SLK: variants seen among roughly 807,000 people sequenced by gnomAD.
The protein encoded by SLK is STE20 like kinase, also known as STE20-like serine/threonine-protein kinase.
In SLK, 67 loss-of-function variants were observed where a neutral mutation model predicts 147.7. That is an observed-to-expected ratio of 0.45 (90% CI 0.37 to 0.56). SLK has a LOEUF of 0.56. Among genes scored for constraint, SLK ranks in the 20% least tolerant of loss-of-function variants. SLK has a pLI of 0.00. For synonymous variants in SLK, 441 were observed against 475.0 expected (o/e 0.93, Z 0.93); for missense variants, 1,136 against 1,438.8 (o/e 0.79, Z 3.41).
At chr10:104,012,515 T>G (rs1037928179) in intron 13 of SLK, among the ~76,000 whole-genome samples, 2 of 152,204 alleles carry the variant, frequency 1.3e-5, no homozygotes, top group Non-Finnish European at 2.9e-5. Context: ...TATGAACTTA[T>G]TTAATCTGAG....
chr10:104,002,066 C>A, intron 8 of SLK, 106 bp from the exon 9 acceptor site: 1 of 873,584 alleles, frequency 1.1e-6, no homozygotes, highest in Non-Finnish European at 1.7e-6. Context: ...TTAAATTCAG[C>A]AACATTTACT....
chr10:104,020,340 G>A (rs1844518341), intron 16 of SLK, 148 bp from the exon 17 acceptor site: 1 of 699,526 alleles, frequency 1.4e-6, no homozygotes, highest in Non-Finnish European at 2.3e-6. Flanking sequence ...CTGAAGCTGT[G>A]ATGTGGACTC....
intron 8 of SLK, 105 bp downstream of exon 8, chr10:104,001,677 A>C (rs1382933045): frequency 8.2e-7 from 1 of 1,220,584 alleles, no homozygotes; most frequent in Non-Finnish European, 1.2e-6. Context: ...AAACCTTTAA[A>C]TTTAGACCTG....
Position 104,004,762 on chromosome 10 carries a change from C to T in SLK, c.2350-799C>T, listed in dbSNP as rs114586905. Among the ~76,000 whole-genome samples the T allele has an allele frequency of 4.9e-3, 750 of 152,240 alleles. 3 individuals carry two copies. The highest frequency in any genetic ancestry group is 0.017 in the African/African-American group (722 of 41,532). Reference sequence around the variant, plus strand: ...TATCAACACCCAGTAAGTATCTGCCCTGAACACTTAGTTTACCAAAATGTA... The same window carrying T: ...TATCAACACCCAGTAAGTATCTGCCTTGAACACTTAGTTTACCAAAATGTA... On this transcript the variant is annotated intron_variant, in intron 9 of 18. Coordinates refer to ENST00000369755, the MANE Select transcript of SLK (RefSeq NM_014720.4).
intron 13 of SLK, among the ~76,000 whole-genome samples, chr10:104,014,064 G>T: frequency 6.6e-6 from 1 of 152,124 alleles, no homozygotes; most frequent in East Asian, 1.9e-4. Context: ...ATTCTAATTT[G>T]GGATTTTCAT....
chr10:104,025,806 A>C lies in SLK; in HGVS notation c.*86A>C. 1.1e-5 allele frequency: 13 copies of C among 1,156,642 alleles called. No homozygotes were observed. The highest frequency in any genetic ancestry group is 1.6e-5 in the Non-Finnish European group (13 of 811,502). 71.6% of individuals were successfully genotyped at this position (1,156,642 alleles called of 1,614,324 possible). ...TCTGCCACAGTCTCTCAGATAGCTC[A>C]TGAAGACAATCACCTGCCTCACCTT... On this transcript the variant is annotated 3_prime_UTR_variant, in exon 19 of 19. Coordinates refer to ENST00000369755, the MANE Select transcript of SLK (RefSeq NM_014720.4).
At chr10:104,024,330 C>T (rs780600166) in intron 18 of SLK, among the ~76,000 whole-genome samples, 4 of 152,206 alleles carry the variant, frequency 2.6e-5, no homozygotes, top group Non-Finnish European at 5.9e-5. Context: ...AAGGACATCT[C>T]TTGACACTGT....
At chr10:103,977,056 C>T (rs931378264) in intron 1 of SLK, among the ~76,000 whole-genome samples, 2 of 152,084 alleles carry the variant, frequency 1.3e-5, no homozygotes, top group African/African-American at 4.8e-5. Context: ...AAAATCAGCA[C>T]CACTGGTTGA....
rs201270634 is a variant in SLK, at chr10:104,021,648, A to G, written c.3476A>G (p.His1159Arg). The change falls in exon 18 of 19, where the codon CAT (histidine) becomes CGT (arginine). Residue 1159 changes from histidine (H) to arginine (R), a missense_variant. By Grantham distance (29) the His-to-Arg change is conservative. Transcript: ENST00000369755. ...GAAAAATGCCACTTGTTGGTTGAGC[A>G]TGAGACTCAGAAACTGAAGGAGTTA... ...QNEKCHLLVE[H>R]ETQKLKELDE... 3.1e-6 allele frequency: 5 copies of G among 1,610,514 alleles called. No homozygotes were observed. Among genetic ancestry groups the G allele is most frequent in the Admixed American group, 1.7e-5 (1 of 59,432 alleles).
At chr10:104,020,372 T>A in intron 16 of SLK, 116 bp from the exon 17 acceptor site, 1 of 989,904 alleles carries the variant, frequency 1.0e-6, no homozygotes, top group Non-Finnish European at 1.5e-6. Flanking sequence ...CTCAGCATAT[T>A]ATTACTTGTA....
intron 1 of SLK, among the ~76,000 whole-genome samples, chr10:103,990,255 C>T (rs868752960): frequency 5.3e-5 from 8 of 152,116 alleles, no homozygotes; most frequent in African/African-American, 1.7e-4. Flanking sequence ...GATATTATAA[C>T]GAGGGCTACA....
chr10:103,983,387 C>G (rs768430560), intron 1 of SLK, among the ~76,000 whole-genome samples: 2 of 152,150 alleles, frequency 1.3e-5, no homozygotes, highest in Non-Finnish European at 2.9e-5. Flanking sequence ...AACGTTTACT[C>G]TACTCTGTAC....
intron 2 of SLK, among the ~76,000 whole-genome samples, chr10:103,992,159 T>TTTC (rs1554842829): frequency 7.2e-6 from 1 of 138,944 alleles, no homozygotes; most frequent in African/African-American, 2.6e-5. Flanking sequence ...TTTTTTTTTT[T>TTTC]CTAAAAGAAG....
At chr10:103,991,897 A>G (rs910071689) in intron 2 of SLK, among the ~76,000 whole-genome samples, 21 of 152,046 alleles carry the variant, frequency 1.4e-4, no homozygotes, top group Non-Finnish European at 2.6e-4. Context: ...CTAGTTAATA[A>G]ACAGATAAGA....
chr10:104,005,469 TA>T, intron 9 of SLK, 91 bp from the exon 10 acceptor site: 2 of 1,223,916 alleles, frequency 1.6e-6, no homozygotes, highest in South Asian at 1.6e-5. Context: ...TGTTTTGTTT[TA>T]AAAAAGAAAG....
intron 13 of SLK, among the ~76,000 whole-genome samples, chr10:104,012,775 C>A (rs1050208502): frequency 9.9e-5 from 15 of 152,206 alleles, no homozygotes; most frequent in African/African-American, 3.4e-4. Flanking sequence ...TTGGCCATGT[C>A]TTGTTACCAA....
chr10:103,974,614 C>CAAAAAAAA (rs1175099184), intron 1 of SLK: 1 of 1,030 alleles, frequency 9.7e-4, no homozygotes, highest in Non-Finnish European at 2.8e-3. Context: ...GACTCCGTCT[C>CAAAAAAAA]AAAAAAAAAA....
chr10:103,981,373 T>G (rs369649425), intron 1 of SLK, among the ~76,000 whole-genome samples: 1 of 152,196 alleles, frequency 6.6e-6, no homozygotes, highest in African/African-American at 2.4e-5. Context: ...CCGTGTTTTC[T>G]TTTGTTGCCT....
intron 11 of SLK, among the ~76,000 whole-genome samples, chr10:104,006,353 T>G (rs1844325866): frequency 2.0e-5 from 3 of 152,208 alleles, no homozygotes; most frequent in Admixed American, 2.0e-4. Context: ...GCTGGGTAAT[T>G]TTTCAGTGCT....
Sources: allele counts gnomAD v4.1 joint callset (sites outside exome capture counted in the v4.1 genomes callset), GRCh38; gene constraint gnomAD v4.1.1; transcripts MANE v1.5; gene names NCBI Gene and HGNC (gene_info 2026-07-23, HGNC 2026-07-21).